The following FARS2 variants were observed in gnomAD, a reference collection of about 807,000 sequenced individuals.
FARS2 encodes the protein phenylalanyl-tRNA synthetase 2, mitochondrial, also known as phenylalanine--tRNA ligase, mitochondrial.
Under a neutral mutation model 46.4 loss-of-function variants are expected in FARS2, and 40 were observed. The ratio of observed to expected loss-of-function variants is 0.86; its 90% CI spans 0.67 to 1.12. The LOEUF (loss-of-function observed/expected upper bound fraction) is 1.12. Among genes scored for constraint, FARS2 ranks in the 50% most tolerant of loss-of-function variants. FARS2 has a pLI of 0.00. For synonymous variants in FARS2, 234 were observed against 214.9 expected (o/e 1.09, Z -0.78); for missense variants, 513 against 567.9 (o/e 0.90, Z 0.98).
intron 4 of FARS2, among the ~76,000 whole-genome samples, chr6:5,477,010 A>C (rs1042482435): frequency 6.6e-6 from 1 of 152,216 alleles, no homozygotes; most frequent in African/African-American, 2.4e-5. Context: ...TATAATCAGA[A>C]GAAAATATCC....
chr6:5,250,315 A>G, the FARS2 span, among the ~76,000 whole-genome samples: 9 of 152,206 alleles, frequency 5.9e-5, no homozygotes, highest in Admixed American at 5.9e-4. Context: ...TCAATAAATC[A>G]GCAATGACAC....
intron 1 of FARS2, among the ~76,000 whole-genome samples, chr6:5,291,606 G>C (rs1225606526): frequency 2.0e-5 from 3 of 152,066 alleles, no homozygotes; most frequent in African/African-American, 7.2e-5. Context: ...TTTACCCTTA[G>C]AATTAAATAT....
intron 1 of FARS2, among the ~76,000 whole-genome samples, chr6:5,356,203 C>T (rs548131215): frequency 2.0e-3 from 304 of 152,324 alleles, no homozygotes; most frequent in Admixed American, 4.4e-3. Flanking sequence ...AATTGTAGCA[C>T]TTTGGGAGGC....
At chr6:5,708,053 G>A (rs1758871946) in intron 6 of FARS2, among the ~76,000 whole-genome samples, 1 of 152,214 alleles carries the variant, frequency 6.6e-6, no homozygotes, top group African/African-American at 2.4e-5. Context: ...GAACAGGTCA[G>A]AGGGGGCTAC....
intron 6 of FARS2, among the ~76,000 whole-genome samples, chr6:5,648,830 G>A (rs961746284): frequency 1.3e-5 from 2 of 151,986 alleles, no homozygotes; most frequent in African/African-American, 4.8e-5. Flanking sequence ...CCCCTCACTG[G>A]CAAACACCTT....
At chr6:5,286,105 C>T (rs1356101010) in intron 1 of FARS2, among the ~76,000 whole-genome samples, 2 of 152,158 alleles carry the variant, frequency 1.3e-5, no homozygotes, top group Non-Finnish European at 2.9e-5. Context: ...TTTCCAGACA[C>T]TTTAATTCAT....
chr6:5,624,435 T>C (rs1331259618), intron 6 of FARS2, among the ~76,000 whole-genome samples: 1 of 152,178 alleles, frequency 6.6e-6, no homozygotes, highest in African/African-American at 2.4e-5. Flanking sequence ...CCAGGAGTAG[T>C]GTCTCTGCAG....
chr6:5,686,891 A>G (rs1022753163), intron 6 of FARS2, among the ~76,000 whole-genome samples: 1 of 152,168 alleles, frequency 6.6e-6, no homozygotes, highest in African/African-American at 2.4e-5. Flanking sequence ...AATGATCGCT[A>G]TTCTAACTGG....
At chr6:5,689,051 C>G (rs1757476882) in intron 6 of FARS2, among the ~76,000 whole-genome samples, 1 of 152,048 alleles carries the variant, frequency 6.6e-6, no homozygotes, top group Middle Eastern at 3.2e-3. Context: ...GGTGATATCC[C>G]CTTTATCATT....
intron 6 of FARS2, among the ~76,000 whole-genome samples, chr6:5,744,159 G>T (rs1388454972): frequency 6.6e-6 from 1 of 152,232 alleles, no homozygotes; most frequent in Non-Finnish European, 1.5e-5. Context: ...TCTGGAGAGA[G>T]AAGCCTGGGG....
At chr6:5,674,353 G>A (rs539599175) in intron 6 of FARS2, among the ~76,000 whole-genome samples, 1 of 152,034 alleles carries the variant, frequency 6.6e-6, no homozygotes, top group East Asian at 1.9e-4. Flanking sequence ...TTCATTTATT[G>A]ACATTCTTAA....
At position 5,463,388 on chromosome 6, in the gene FARS2, T is replaced by C. The variant is rs544549387; in HGVS notation, c.904+32216T>C. ...ACCTTTCCTTTGTCCTTGTGCGTTC[T>C]GAAACCTCACATTGTGTACCTTGGT... is the stretch of plus-strand genomic sequence containing the variant. On this transcript the variant is annotated intron_variant, in intron 4 of 6. Coordinates refer to ENST00000274680, the MANE Select transcript of FARS2 (RefSeq NM_006567.5). 7.9e-4 allele frequency among the ~76,000 whole-genome samples: 121 copies of C among 152,362 alleles called. 1 individual carries two copies. The highest frequency in any genetic ancestry group is 2.0e-3 in the Admixed American group (31 of 15,310).
At chr6:5,688,275 T>C (rs1312730828) in intron 6 of FARS2, among the ~76,000 whole-genome samples, 2 of 152,220 alleles carry the variant, frequency 1.3e-5, no homozygotes, top group Non-Finnish European at 2.9e-5. Context: ...CCCTGTCTTG[T>C]GCCAGTTTTC....
At chr6:5,456,503 G>A (rs573252609) in intron 4 of FARS2, among the ~76,000 whole-genome samples, 74 of 152,178 alleles carry the variant, frequency 4.9e-4, no homozygotes, top group Non-Finnish European at 1.0e-4. Flanking sequence ...GGAGGCCGAG[G>A]CAGGCGGATC....
chr6:5,260,634 G>A (rs1561911304), upstream of FARS2: 1 of 1,513,796 alleles, frequency 6.6e-7, no homozygotes, highest in Admixed American at 2.0e-5. Flanking sequence ...GGCCCCCGGT[G>A]CCCGCTGGGT....
intron 6 of FARS2, among the ~76,000 whole-genome samples, chr6:5,631,666 G>C (rs1776299445): frequency 6.6e-6 from 1 of 152,248 alleles, no homozygotes; most frequent in African/African-American, 2.4e-5. Flanking sequence ...CACTCAGCCA[G>C]TGGCTGGACC....
At chr6:5,675,212 AC>A (rs1778700154) in intron 6 of FARS2, among the ~76,000 whole-genome samples, 1 of 98,858 alleles carries the variant, frequency 1.0e-5, no homozygotes, top group Non-Finnish European at 2.8e-5. Context: ...ACACACACAC[AC>A]ACACACACAC....
At chr6:5,414,311 A>T (rs1489091441) in intron 3 of FARS2, among the ~76,000 whole-genome samples, 1 of 152,190 alleles carries the variant, frequency 6.6e-6, no homozygotes, top group African/African-American at 2.4e-5. Flanking sequence ...ATAACTTTTG[A>T]CATAATTATA....
At chr6:5,667,917 G>A (rs1778227259) in intron 6 of FARS2, 1 of 152,270 alleles carries the variant, frequency 6.6e-6, no homozygotes, top group Non-Finnish European at 1.5e-5. Flanking sequence ...TAGAGCAAGA[G>A]AAACACTTTC....
Sources: gnomAD v4.1 joint callset for allele counts (sites outside exome capture counted in the v4.1 genomes callset) on GRCh38, gnomAD v4.1.1 for gene constraint, MANE v1.5 for transcripts, NCBI Gene and HGNC (gene_info 2026-07-23, HGNC 2026-07-21) for gene names.